Variants in AFAP1L2 observed in about 807,000 individuals in gnomAD.
The protein encoded by AFAP1L2 is actin filament associated protein 1 like 2, also known as actin filament-associated protein 1-like 2.
In AFAP1L2, 46 loss-of-function variants were observed where a neutral mutation model predicts 99.3. The ratio of observed to expected loss-of-function variants is 0.46; its 90% CI spans 0.37 to 0.59. The LOEUF is 0.59. AFAP1L2 is among the 20% of genes least tolerant of loss of function. AFAP1L2 has a pLI of 0.00. For missense variants in AFAP1L2, 959 were observed against 1,034.9 expected, an observed-to-expected ratio of 0.93 and a Z score of 1.01; for synonymous variants, 397 against 419.1, an observed-to-expected ratio of 0.95 and a Z score of 0.64.
intron 1 of AFAP1L2, among the ~76,000 whole-genome samples, chr10:114,383,672 T>C (rs576226641): frequency 1.3e-5 from 2 of 152,278 alleles, no homozygotes; most frequent in South Asian, 2.1e-4. Flanking sequence ...TTAAATTATT[T>C]AAAATAACTC....
At chr10:114,291,129 G>A (rs2039554898), downstream of AFAP1L2, 1 of 1,452,022 alleles carries the variant, frequency 6.9e-7, no homozygotes, top group African/African-American at 1.4e-5. Context: ...TAGAGTAAGA[G>A]CAGGACCTGA....
chr10:114,291,109 A>G (rs1339293550), downstream of AFAP1L2: 3 of 1,266,178 alleles, frequency 2.4e-6, no homozygotes, highest in Non-Finnish European at 3.4e-6. Context: ...GCTGGGGGCG[A>G]GGTGGGTTGT....
At chr10:114,402,163 C>A (rs2058290649) in intron 1 of AFAP1L2, among the ~76,000 whole-genome samples, 1 of 152,130 alleles carries the variant, frequency 6.6e-6, no homozygotes, top group Non-Finnish European at 1.5e-5. Flanking sequence ...CTAGTTATTC[C>A]AATAACTATT....
Position 114,343,781 on chromosome 10 carries a change from G to A in AFAP1L2, c.17-3050C>T, listed in dbSNP as rs186834041. On this transcript the variant is annotated intron_variant, in intron 1 of 18. Coordinates refer to ENST00000304129, the MANE Select transcript of AFAP1L2 (RefSeq NM_001001936.3). ...TAGGGCCTCCCACCATCTGACCCAG[G>A]GGAGCTTCTCTGCTGGAGCTGGAGG... is the stretch of plus-strand genomic sequence containing the variant. 4.9e-3 allele frequency among the ~76,000 whole-genome samples: 751 copies of A among 152,262 alleles called. 7 individuals carry two copies. The highest frequency in any genetic ancestry group is 0.017 in the Middle Eastern group (5 of 294).
intron 15 of AFAP1L2, among the ~76,000 whole-genome samples, 177 bp from the exon 16 acceptor site, chr10:114,299,592 G>A (rs749180154): frequency 6.6e-6 from 1 of 152,208 alleles, no homozygotes; most frequent in South Asian, 2.1e-4. Flanking sequence ...ATCTGAAAAC[G>A]ATGGTGTGAT....
At position 114,360,513 on chromosome 10, in the gene AFAP1L2, A is replaced by ATAGATAGT. The variant is rs1276371850; in HGVS notation, c.17-19783_17-19782insACTATCTA. Among the ~76,000 whole-genome samples the ATAGATAGT allele has an allele frequency of 6.1e-3, 487 of 79,232 alleles. 3 individuals are homozygous for ATAGATAGT. Among genetic ancestry groups the ATAGATAGT allele is most frequent in the African/African-American group, 0.018 (413 of 22,796 alleles). 52.0% of individuals were successfully genotyped at this position (79,232 alleles called of 152,430 possible). ...GATAGATAGATAGATAGATAGTTAG[A>ATAGATAGT]TAGATAGATAGATAGATAGATAGAT... On this transcript the variant is annotated intron_variant, in intron 1 of 18. Transcript: ENST00000304129.
chr10:114,304,690 G>T (rs754783024), intron 11 of AFAP1L2, 29 bp downstream of exon 11: 2 of 1,567,424 alleles, frequency 1.3e-6, no homozygotes, highest in East Asian at 2.3e-5. Flanking sequence ...ACCCTGGCTG[G>T]CCCTGCTCCC....
chr10:114,397,910 T>C lies in AFAP1L2; in HGVS notation c.16+6530A>G, dbSNP rs558051076. ...GAGCTCCAGGAAGTGAGAAGAGAAC[T>C]CAGGGGCCTGCTTAGAAAACAGCAG... On this transcript the variant is annotated intron_variant, in intron 1 of 18. Transcript: ENST00000304129. 4.5e-3 allele frequency among the ~76,000 whole-genome samples: 687 copies of C among 152,264 alleles called. 11 individuals carry two copies. The highest frequency in any genetic ancestry group is 0.016 in the African/African-American group (665 of 41,554).
At chr10:114,370,648 A>G (rs2053966851) in intron 1 of AFAP1L2, among the ~76,000 whole-genome samples, 1 of 152,200 alleles carries the variant, frequency 6.6e-6, no homozygotes, top group South Asian at 2.1e-4. Context: ...TGGGGCCCAG[A>G]GGATAAACTG....
the AFAP1L2 span, chr10:114,289,467 G>T: frequency 6.2e-7 from 1 of 1,614,220 alleles, no homozygotes; most frequent in Non-Finnish European, 8.5e-7. Context: ...ACCAGGACGT[G>T]CTCATTGAGT....
At chr10:114,305,864 G>GGC (rs2042236499) in intron 10 of AFAP1L2, among the ~76,000 whole-genome samples, 2 of 90,636 alleles carry the variant, frequency 2.2e-5, no homozygotes, top group Admixed American at 2.5e-4. Context: ...GGGGACGCGG[G>GGC]TGCAGGAGGG....
At chr10:114,303,340 T>C (rs2041562938) in intron 11 of AFAP1L2, among the ~76,000 whole-genome samples, 1 of 152,158 alleles carries the variant, frequency 6.6e-6, no homozygotes, top group Admixed American at 6.5e-5. Context: ...CAGAATCTTG[T>C]TCTGTCGCCC....
At chr10:114,289,141 G>A in the AFAP1L2 span, 1 of 1,613,838 alleles carries the variant, frequency 6.2e-7, no homozygotes, top group African/African-American at 1.3e-5. Flanking sequence ...ACCCACCCGG[G>A]CTGCGATGCT....
chr10:114,304,027 A>T (rs1471250426), intron 11 of AFAP1L2, among the ~76,000 whole-genome samples: 1 of 152,238 alleles, frequency 6.6e-6, no homozygotes, highest in African/African-American at 2.4e-5. Context: ...TGTGCTGAGA[A>T]GATGTCTGTT....
At chr10:114,359,645 A>G (rs2051927740) in intron 1 of AFAP1L2, among the ~76,000 whole-genome samples, 1 of 152,208 alleles carries the variant, frequency 6.6e-6, no homozygotes, top group South Asian at 2.1e-4. Flanking sequence ...TTTCCTCTGG[A>G]TTTTAGGCTT....
At chr10:114,296,883 C>T (rs1210331153) in intron 18 of AFAP1L2, 95 bp downstream of exon 18, 7 of 1,601,004 alleles carry the variant, frequency 4.4e-6, no homozygotes, top group Non-Finnish European at 6.0e-6. Flanking sequence ...AGAGCTGGTG[C>T]CAAAAGCCAC....
At chr10:114,282,709 G>A in the AFAP1L2 span, 2 of 703,096 alleles carry the variant, frequency 2.8e-6, no homozygotes, top group South Asian at 3.2e-5. Context: ...CACTTGGGGG[G>A]CAGAGGAGAG....
At chr10:114,317,376 A>G (rs1015049965) in intron 5 of AFAP1L2, among the ~76,000 whole-genome samples, 1 of 152,232 alleles carries the variant, frequency 6.6e-6, no homozygotes, top group African/African-American at 2.4e-5. Context: ...TACCTATTAA[A>G]TAAGACTGAA....
intron 1 of AFAP1L2, among the ~76,000 whole-genome samples, chr10:114,372,083 G>A (rs1012004191): frequency 3.9e-5 from 6 of 152,200 alleles, no homozygotes; most frequent in African/African-American, 1.4e-4. Context: ...TAACTTGGAC[G>A]AAACAGCAAA....
Sources: allele counts gnomAD v4.1 joint callset (sites outside exome capture counted in the v4.1 genomes callset), GRCh38; gene constraint gnomAD v4.1.1; transcripts MANE v1.5; gene names NCBI Gene and HGNC (gene_info 2026-07-23, HGNC 2026-07-21).